EML6: variants seen among roughly 807,000 people sequenced by gnomAD.
EML6 encodes the protein EMAP like 6.
In EML6, 154 loss-of-function variants were observed where a neutral mutation model predicts 240.1. The observed-to-expected ratio is 0.64, with a 90% CI of 0.56 to 0.73. The LOEUF is 0.73. EML6 is among the 30% of genes least tolerant of loss of function. The pLI, the probability that EML6 is intolerant of heterozygous loss-of-function variation, is 0.00. For synonymous variants in EML6, 1,148 were observed against 899.0 expected, an observed-to-expected ratio of 1.28 and a Z score of -4.95; for missense variants, 2,964 against 2,474.6, an observed-to-expected ratio of 1.20 and a Z score of -4.20.
intron 2 of EML6, among the ~76,000 whole-genome samples, chr2:54,728,610 T>C (rs904340129): frequency 6.6e-6 from 1 of 152,204 alleles, no homozygotes; most frequent in Non-Finnish European, 1.5e-5. Context: ...GAAATGGGAA[T>C]GACAATACCT....
chr2:54,859,803 G>A, intron 12 of EML6, 102 bp downstream of exon 12: 1 of 957,352 alleles, frequency 1.0e-6, no homozygotes, highest in Non-Finnish European at 1.5e-6. Flanking sequence ...AAGCAATTTT[G>A]GAAAATTGAT....
chr2:54,895,178 C>T, intron 20 of EML6, 95 bp from the exon 21 acceptor site: 5 of 1,393,712 alleles, frequency 3.6e-6, no homozygotes, highest in Non-Finnish European at 4.9e-6. Context: ...AGGCTGACTG[C>T]CTAGTACCTA....
chr2:54,962,554 A>G lies in EML6; in HGVS notation c.5000A>G (p.Glu1667Gly), dbSNP rs777514331. The change falls in exon 36 of 42, where the codon GAA becomes GGA. Residue 1667 changes from glutamate to glycine, a missense_variant. By Grantham distance (98) the Glu-to-Gly change is moderately conservative (BLOSUM62 -2). Transcript: ENST00000356458. ...GKILVGTKDG[E>G]IIEVGEKNAA... Reference sequence around the variant, plus strand: ...ATCTTAGTGGGAACCAAAGACGGAGAAATAATTGAAGTTGGTGAAAAAAAT... The same window carrying G: ...ATCTTAGTGGGAACCAAAGACGGAGGAATAATTGAAGTTGGTGAAAAAAAT... 1 of 1,548,564 alleles carries G rather than the reference A, an allele frequency of 6.5e-7. No homozygotes were observed. Among genetic ancestry groups the G allele is most frequent in the South Asian group, 1.2e-5 (1 of 82,930 alleles).
chr2:54,895,514 C>T (rs961594158), intron 21 of EML6, 114 bp downstream of exon 21: 10 of 1,043,412 alleles, frequency 9.6e-6, no homozygotes, highest in Non-Finnish European at 1.4e-5. Context: ...CAGGGTTGCA[C>T]AAGAGTTGAA....
At chr2:54,837,029 G>A (rs1025722757) in intron 7 of EML6, among the ~76,000 whole-genome samples, 10 of 152,118 alleles carry the variant, frequency 6.6e-5, no homozygotes, top group African/African-American at 2.4e-4. Context: ...GATCTCTGCT[G>A]TCTTTTCCAC....
rs367974035 is a variant in EML6 at position 54,785,955 on chromosome 2, A to ATG, written c.198-27264_198-27263dup. 6.0e-5 allele frequency among the ~76,000 whole-genome samples: 9 copies of ATG among 150,804 alleles called. No individual in the cohort carries two copies. In the East Asian group the frequency reaches 9.7e-4, roughly 16 times the overall value. Reference sequence around the variant, plus strand: ...TATAAATATATATATATATATTTGTATGTGTGTGTGTGTGCAATTTAGGGC... The same window carrying ATG: ...TATAAATATATATATATATATTTGTATGTGTGTGTGTGTGTGCAATTTAGGGC... On this transcript the variant is annotated intron_variant, in intron 2 of 41. Coordinates refer to ENST00000356458, the MANE Select transcript of EML6 (RefSeq NM_001039753.4).
At chr2:54,723,626 C>T (rs1682778527), upstream of EML6, 1 of 152,284 alleles carries the variant, frequency 6.6e-6, no homozygotes, top group Non-Finnish European at 1.5e-5. Context: ...CCCCGGAGCC[C>T]CGGCTGGAGG....
rs533229358 is a variant in EML6 at position 54,970,253 on chromosome 2, C to T, written c.*158C>T. The T allele has an allele frequency of 4.2e-6, 3 of 720,882 alleles. No individual in the cohort carries two copies. Among genetic ancestry groups the T allele is most frequent in the Admixed American group, 2.3e-5 (1 of 44,118 alleles). The allele number at this position is 720,882 out of a possible 1,614,324, so 44.7% of individuals were successfully genotyped here. A position where few individuals can be genotyped will look rare whatever the true frequency, so the allele number is the denominator to read the frequency against. Reference sequence around the variant, plus strand: ...ACGCTGCAGAAGTTACACAACTGCTCCCATAATCTGGACTCTCCAAAACCG... The same window carrying T: ...ACGCTGCAGAAGTTACACAACTGCTTCCATAATCTGGACTCTCCAAAACCG... On this transcript the variant is annotated 3_prime_UTR_variant, in exon 42 of 42. Coordinates refer to ENST00000356458, the MANE Select transcript of EML6 (RefSeq NM_001039753.4).
chr2:54,959,507 A>G (rs563817338), intron 34 of EML6, among the ~76,000 whole-genome samples: 1 of 152,290 alleles, frequency 6.6e-6, no homozygotes, highest in Admixed American at 6.5e-5. Flanking sequence ...CACGCCTGTA[A>G]TCTCAGCACT....
At chr2:54,919,583 A>C (rs17346218) in intron 26 of EML6, among the ~76,000 whole-genome samples, 3 of 151,952 alleles carry the variant, frequency 2.0e-5, no homozygotes, top group Non-Finnish European at 4.4e-5. Context: ...AGCCCTTCCT[A>C]TTTGATCAGA....
chr2:54,927,524 C>T lies in EML6; in HGVS notation c.3676-789C>T, dbSNP rs191426666. Among the ~76,000 whole-genome samples, 111 of 152,258 alleles carry T rather than the reference C, an allele frequency of 7.3e-4. 1 individual carries two copies. Among genetic ancestry groups the T allele is most frequent in the African/African-American group, 2.5e-3 (105 of 41,546 alleles). On this transcript the variant is annotated intron_variant, in intron 26 of 41. Coordinates refer to ENST00000356458, the MANE Select transcript of EML6 (RefSeq NM_001039753.4). ...AAACTCCATGTCTTTAAATGGCTCC[C>T]GCTGCAGCTGTTTTTGCCAGGCTGT... is the stretch of plus-strand genomic sequence containing the variant.
Position 54,850,105 on chromosome 2 carries a change from T to C in EML6, c.1331T>C (p.Ile444Thr), listed in dbSNP as rs1558611057. 4.5e-6 allele frequency: 7 copies of C among 1,551,968 alleles called. No individual in the cohort carries two copies. Among genetic ancestry groups the C allele is most frequent in the Non-Finnish European group, 4.4e-6 (5 of 1,147,050 alleles). ...VYAVAQRYKK[I>T]GECSKSLSFI... ...GCTGTTGCCCAGAGGTATAAGAAAA[T>C]TGGAGAATGCAGCAAGTCCCTTAGT... Residue 444 changes from isoleucine to threonine, a missense_variant, in exon 10 of 42, where the codon ATT becomes ACT. Physicochemically the swap from Ile to Thr is moderately conservative, Grantham distance 89. Transcript: ENST00000356458.
At chr2:54,769,239 TA>T (rs1668312795) in intron 2 of EML6, among the ~76,000 whole-genome samples, 1 of 152,228 alleles carries the variant, frequency 6.6e-6, no homozygotes, top group East Asian at 1.9e-4. Flanking sequence ...GACTTCACTA[TA>T]ATTCTAGGCT....
intron 38 of EML6, among the ~76,000 whole-genome samples, chr2:54,966,357 A>G (rs1168702210): frequency 6.6e-6 from 1 of 152,252 alleles, no homozygotes; most frequent in Non-Finnish European, 1.5e-5. Context: ...GAAAGAGCTC[A>G]GCTTCCCAGC....
intron 33 of EML6, among the ~76,000 whole-genome samples, 163 bp from the exon 34 acceptor site, chr2:54,958,941 C>T (rs528805961): frequency 5.1e-4 from 77 of 152,264 alleles, no homozygotes; most frequent in African/African-American, 1.7e-3. Context: ...GATGTGCTCT[C>T]GGTGATTTCT....
At chr2:54,771,431 A>T (rs1212412861) in intron 2 of EML6, among the ~76,000 whole-genome samples, 1 of 152,256 alleles carries the variant, frequency 6.6e-6, no homozygotes, top group Non-Finnish European at 1.5e-5. Flanking sequence ...TTCAAAAGCC[A>T]ATCTTTAAAT....
chr2:54,811,334 C>G (rs2104033242), intron 2 of EML6, among the ~76,000 whole-genome samples: 1 of 152,342 alleles, frequency 6.6e-6, no homozygotes, highest in Non-Finnish European at 1.5e-5. Flanking sequence ...TGACCCATCT[C>G]ATTTTCTGCC....
At chr2:54,790,530 T>C (rs1042086583) in intron 2 of EML6, among the ~76,000 whole-genome samples, 5 of 152,258 alleles carry the variant, frequency 3.3e-5, no homozygotes, top group South Asian at 2.1e-4. Flanking sequence ...ATTTCACGGC[T>C]GGAGGGTCCA....
chr2:54,915,054 C>G (rs1391270115), intron 25 of EML6, among the ~76,000 whole-genome samples: 1 of 152,168 alleles, frequency 6.6e-6, no homozygotes, highest in African/African-American at 2.4e-5. Context: ...AGGCAAGGTG[C>G]TAAGGAAGGG....
Sources: gnomAD v4.1 joint callset for allele counts (sites outside exome capture counted in the v4.1 genomes callset) on GRCh38, gnomAD v4.1.1 for gene constraint, MANE v1.5 for transcripts, NCBI Gene and HGNC (gene_info 2026-07-23, HGNC 2026-07-21) for gene names.